Variants in GLI3 observed in about 807,000 individuals in gnomAD.
The protein encoded by GLI3 is GLI family zinc finger 3, also known as transcription activator GLI3.
A neutral mutation model predicts 100.8 loss-of-function variants in GLI3; 20 were observed. The ratio of observed to expected loss-of-function variants is 0.20; its 90% CI spans 0.14 to 0.29. GLI3 has a LOEUF of 0.29. Ranked by LOEUF, GLI3 falls within the 10% of genes least tolerant of loss-of-function variation. The pLI is 1.00. For synonymous variants in GLI3, 938 were observed against 860.5 expected (o/e 1.09, Z -1.58); for missense variants, 2,040 against 2,128.5 (o/e 0.96, Z 0.82).
intron 10 of GLI3, among the ~76,000 whole-genome samples, chr7:41,999,763 T>A (rs1424389120): frequency 6.6e-6 from 1 of 152,218 alleles, no homozygotes; most frequent in Non-Finnish European, 1.5e-5. Flanking sequence ...AATCCCACAC[T>A]TTTTGGCAAT....
chr7:42,203,615 T>C (rs1387494708), intron 2 of GLI3, among the ~76,000 whole-genome samples: 4 of 152,214 alleles, frequency 2.6e-5, no homozygotes, highest in African/African-American at 9.6e-5. Flanking sequence ...ATTTTCTTTC[T>C]CCATTTGCCC....
At chr7:42,014,523 C>A (rs1430345801) in intron 10 of GLI3, among the ~76,000 whole-genome samples, 1 of 152,186 alleles carries the variant, frequency 6.6e-6, no homozygotes, top group African/African-American at 2.4e-5. Flanking sequence ...TTCCTGCTGT[C>A]TTCTCCACAT....
chr7:42,013,562 AG>A (rs1001968718), intron 10 of GLI3, among the ~76,000 whole-genome samples: 2 of 152,090 alleles, frequency 1.3e-5, no homozygotes, highest in African/African-American at 4.8e-5. Context: ...TTGTAGAGAT[AG>A]GGTCTTGCTA....
chr7:42,035,769 A>G lies in GLI3; in HGVS notation c.1028+4269T>C, dbSNP rs527849165. ...AGAAGGGTTTTAGCAAAGGTACACT[A>G]TTTTAACCTACTGTGATTCACTGGC... On this transcript the variant is annotated intron_variant, in intron 7 of 14. Transcript: ENST00000395925. Among the ~76,000 whole-genome samples, 4 of 152,300 alleles carry G rather than the reference A, an allele frequency of 2.6e-5. No individual in the cohort carries two copies. In the East Asian group the frequency reaches 5.8e-4, roughly 22 times the overall value.
chr7:42,151,974 G>A (rs7784573), intron 2 of GLI3: 21,499 of 152,182 alleles, frequency 0.14, 1,767 homozygotes, highest in Non-Finnish European at 0.19. Flanking sequence ...AGGTAATCAC[G>A]TTGCTGCATG....
intron 2 of GLI3, chr7:42,151,654 CTCGGGGG>C (rs936240027): frequency 6.6e-6 from 1 of 152,190 alleles, no homozygotes; most frequent in Non-Finnish European, 1.5e-5. Context: ...CAGCTGCAAG[CTCGGGGG>C]TCAAACCGAA....
At chr7:42,183,908 C>T (rs1787668343) in intron 2 of GLI3, among the ~76,000 whole-genome samples, 1 of 152,172 alleles carries the variant, frequency 6.6e-6, no homozygotes, top group South Asian at 2.1e-4. Flanking sequence ...ACAATGACCA[C>T]AGCATGGAAA....
chr7:42,166,136 C>T (rs531252729), intron 2 of GLI3, among the ~76,000 whole-genome samples: 3 of 152,298 alleles, frequency 2.0e-5, no homozygotes, highest in African/African-American at 7.2e-5. Context: ...CCATCCTCAG[C>T]CCCTTCTGTC....
chr7:41,973,862 T>C (rs1266204814), intron 12 of GLI3, among the ~76,000 whole-genome samples: 1 of 152,206 alleles, frequency 6.6e-6, no homozygotes, highest in African/African-American at 2.4e-5. Context: ...TTGGGCAGAA[T>C]TGATTCCCAT....
At chr7:42,164,933 A>C (rs1465925091) in intron 2 of GLI3, among the ~76,000 whole-genome samples, 1 of 151,264 alleles carries the variant, frequency 6.6e-6, no homozygotes, top group Non-Finnish European at 1.5e-5. Context: ...TTAACATTGC[A>C]AGGGAAAGCA....
chr7:42,253,189 C>G (rs1332957950), intron 1 of GLI3, among the ~76,000 whole-genome samples: 2 of 152,322 alleles, frequency 1.3e-5, no homozygotes, highest in East Asian at 1.9e-4. Flanking sequence ...GAAAGAGTTT[C>G]CTGCCCCACA....
chr7:42,264,191 C>G (rs1426855037), upstream of GLI3, among the ~76,000 whole-genome samples: 1 of 152,186 alleles, frequency 6.6e-6, no homozygotes, highest in African/African-American at 2.4e-5. Flanking sequence ...GCGTGGGCCA[C>G]ATGACACCCA....
At chr7:42,172,700 A>G (rs1787401173) in intron 2 of GLI3, 3 of 698,058 alleles carry the variant, frequency 4.3e-6, no homozygotes, top group Middle Eastern at 2.3e-4. Context: ...GGAGAAGGGG[A>G]TGAGTTTTCA....
intron 2 of GLI3, among the ~76,000 whole-genome samples, chr7:42,212,644 T>A (rs914907237): frequency 6.6e-6 from 1 of 152,228 alleles, no homozygotes; most frequent in East Asian, 1.9e-4. Context: ...TAGACGCTAA[T>A]GAATTTGAAA....
rs183392637 is a variant in GLI3 at position 42,017,480 on chromosome 7, G to A, written c.1497+5988C>T. 4.6e-5 allele frequency among the ~76,000 whole-genome samples: 7 copies of A among 152,112 alleles called. No individual in the cohort carries two copies. In the South Asian group the frequency reaches 1.0e-3, roughly 23 times the overall value. Reference sequence around the variant, plus strand: ...CACCCATAACTGTTCACAGCCCCCCGCCACTCCCAGCCCACCCCAAACTCC... The same window carrying A: ...CACCCATAACTGTTCACAGCCCCCCACCACTCCCAGCCCACCCCAAACTCC... On this transcript the variant is annotated intron_variant, in intron 10 of 14. Coordinates refer to ENST00000395925, the MANE Select transcript of GLI3 (RefSeq NM_000168.6).
Position 42,204,830 on chromosome 7 carries a change from G to A in GLI3, c.124+18300C>T, listed in dbSNP as rs145913887. Among the ~76,000 whole-genome samples the A allele has an allele frequency of 3.1e-3, 472 of 152,176 alleles. 4 individuals carry two copies. Among genetic ancestry groups the A allele is most frequent in the African/African-American group, 0.011 (453 of 41,524 alleles). On this transcript the variant is annotated intron_variant, in intron 2 of 14. Transcript: ENST00000395925. ...ACATGAAAAGTTCTATTGTATGCAC[G>A]ACTTCCCCGAGACTCTCCTTCGGGA... is the stretch of plus-strand genomic sequence containing the variant.
chr7:42,074,666 T>C (rs1454215798), intron 4 of GLI3, among the ~76,000 whole-genome samples: 2 of 152,004 alleles, frequency 1.3e-5, no homozygotes, highest in African/African-American at 2.4e-5. Flanking sequence ...TTCATAAGCA[T>C]AGCGTCCACC....
intron 2 of GLI3, among the ~76,000 whole-genome samples, chr7:42,153,066 C>T (rs530700057): frequency 2.0e-5 from 3 of 152,248 alleles, no homozygotes; most frequent in South Asian, 2.1e-4. Flanking sequence ...TTTCAAAAAG[C>T]GGAGAATGCC....
intron 2 of GLI3, among the ~76,000 whole-genome samples, chr7:42,179,839 G>T (rs988459924): frequency 6.6e-6 from 1 of 152,196 alleles, no homozygotes; most frequent in African/African-American, 2.4e-5. Flanking sequence ...TAGAAAAGGT[G>T]TAGCAGCCTG....
Sources: gnomAD v4.1 joint callset for allele counts (sites outside exome capture counted in the v4.1 genomes callset) on GRCh38, gnomAD v4.1.1 for gene constraint, MANE v1.5 for transcripts, NCBI Gene and HGNC (gene_info 2026-07-23, HGNC 2026-07-21) for gene names.